Variants in RFC1 observed in about 807,000 individuals in gnomAD.
The protein encoded by RFC1 is A1 140 kDa subunit.
RFC1 carries 37 observed loss-of-function variants against 137.4 expected under a neutral mutation model. The ratio of observed to expected loss-of-function variants is 0.27; its 90% CI spans 0.21 to 0.35. The LOEUF (loss-of-function observed/expected upper bound fraction) is 0.35, where lower values mean the gene tolerates loss of function less well. RFC1 is among the 10% of genes least tolerant of loss of function. The pLI is 1.00. For synonymous variants in RFC1, 429 were observed against 455.7 expected (o/e 0.94, Z 0.75); for missense variants, 1,205 against 1,358.5 (o/e 0.89, Z 1.78).
chr4:39,350,625 C>T (rs759359306), intron 2 of RFC1, among the ~76,000 whole-genome samples: 1 of 152,124 alleles, frequency 6.6e-6, no homozygotes, highest in Non-Finnish European at 1.5e-5. Context: ...CCCAAAATTC[C>T]ATATCCAGCA....
chr4:39,343,167 C>T (rs1740688516), intron 3 of RFC1, among the ~76,000 whole-genome samples: 3 of 152,116 alleles, frequency 2.0e-5, no homozygotes, highest in South Asian at 4.2e-4. Context: ...GGACTACAGG[C>T]GCGTGCCACC....
In RFC1 at chr4:39,288,441, C is replaced by T. The variant is rs1262398702; in HGVS notation, c.*320G>A. 1 of 206,422 alleles carries T rather than the reference C, an allele frequency of 4.8e-6. No individual in the cohort carries two copies. The highest frequency in any genetic ancestry group is 1.1e-4 in the East Asian group (1 of 9,010). 12.8% of individuals were successfully genotyped at this position (206,422 alleles called of 1,614,324 possible). A position where few individuals can be genotyped will look rare whatever the true frequency, so the allele number is the denominator to read the frequency against. On this transcript the variant is annotated 3_prime_UTR_variant, in exon 25 of 25. Transcript: ENST00000349703. ...GCCTTAGTACTACTGCTCCCAGGCT[C>T]ATTATTGTTAACTAAAATCTGACTC...
chr4:39,306,770 ATAGT>A, intron 13 of RFC1, 69 bp from the exon 14 acceptor site: 1 of 859,704 alleles, frequency 1.2e-6, no homozygotes, highest in Non-Finnish European at 2.0e-6. Context: ...CATGGCAGAA[ATAGT>A]TATGCCTAAA....
rs1368858733 is a variant in RFC1 at position 39,300,309 on chromosome 4, G to A, written c.2641C>T (p.Pro881Ser). The A allele has an allele frequency of 6.2e-7, 1 of 1,613,950 alleles. No individual in the cohort carries two copies. The highest frequency in any genetic ancestry group is 8.5e-7 in the Non-Finnish European group (1 of 1,179,952). The change falls in exon 20 of 25, where the codon CCC becomes TCC. Residue 881 changes from proline to serine, a missense_variant. Transcript: ENST00000349703. Reference sequence around the variant, plus strand: ...ATGTAATTTTCCTGGACGAAGAGGGGTGCTATTGAATAATCATGAAAAAAG... The same window carrying A: ...ATGTAATTTTCCTGGACGAAGAGGGATGCTATTGAATAATCATGAAAAAAG... ...DLFFHDYSIA[P>S]LFVQENYIHV... is the part of the protein sequence containing the mutation.
chr4:39,364,100 A>AAG (rs1553928267), intron 1 of RFC1, among the ~76,000 whole-genome samples: 2 of 135,174 alleles, frequency 1.5e-5, no homozygotes, highest in African/African-American at 5.5e-5. Context: ...AAAAAAAAAA[A>AAG]AAGAAGAAGA....
intron 1 of RFC1, among the ~76,000 whole-genome samples, chr4:39,364,265 GGA>G (rs1491328303): frequency 9.6e-5 from 3 of 31,280 alleles, no homozygotes; most frequent in Non-Finnish European, 8.3e-4. Flanking sequence ...ACAGTCTGAG[GGA>G]AAAAAAAAAA....
chr4:39,335,853 C>G (rs1007531894), intron 4 of RFC1, among the ~76,000 whole-genome samples: 6 of 152,150 alleles, frequency 3.9e-5, no homozygotes, highest in Non-Finnish European at 8.8e-5. Flanking sequence ...AAGTATAAGT[C>G]ATTTTGTATA....
intron 10 of RFC1, 83 bp from the exon 11 acceptor site, chr4:39,313,014 T>A (rs1578127164): frequency 8.6e-7 from 1 of 1,161,604 alleles, no homozygotes; most frequent in South Asian, 1.6e-5. Context: ...TGCAGGAAGT[T>A]GATTTTTCTC....
intron 4 of RFC1, among the ~76,000 whole-genome samples, chr4:39,341,094 C>A (rs1740583755): frequency 6.6e-6 from 1 of 152,194 alleles, no homozygotes. Context: ...GAAAGAAAAT[C>A]TGTGATCAGA....
chr4:39,301,066 C>A (rs1166751678), intron 19 of RFC1, among the ~76,000 whole-genome samples: 1 of 150,226 alleles, frequency 6.7e-6, no homozygotes, highest in East Asian at 1.9e-4. Context: ...GTACTCCAGC[C>A]TGGGTGACAA....
At chr4:39,317,446 T>G (rs1263797859) in intron 9 of RFC1, among the ~76,000 whole-genome samples, 1 of 152,186 alleles carries the variant, frequency 6.6e-6, no homozygotes, top group African/African-American at 2.4e-5. Flanking sequence ...TCCTATGACC[T>G]TCCATGCCCC....
Position 39,345,444 on chromosome 4 carries a change from T to G in RFC1, c.165A>C (p.Lys55Asn), listed in dbSNP as rs1209600239. ...TCTTTTTCTTGCTTGGTTGCTTTTGTTTGAAGTCATCCTCTTTACGGGAGC... is the reference window on the plus strand; with the variant it reads ...TCTTTTTCTTGCTTGGTTGCTTTTGGTTGAAGTCATCCTCTTTACGGGAGC... ...VNSSRKEDDF[K>N]QKQPSKKKRI... The change falls in exon 3 of 25, where the codon AAA becomes AAC. Residue 55 changes from lysine (K) to asparagine (N), a missense_variant. Coordinates refer to ENST00000349703, the MANE Select transcript of RFC1 (RefSeq NM_002913.5). 1 of 1,613,942 alleles carries G rather than the reference T, an allele frequency of 6.2e-7. No individual in the cohort carries two copies. The highest frequency in any genetic ancestry group is 8.5e-7 in the Non-Finnish European group (1 of 1,179,888).
chr4:39,355,098 T>TACACGC (rs1741402303), intron 1 of RFC1, among the ~76,000 whole-genome samples: 1 of 88,958 alleles, frequency 1.1e-5, no homozygotes, highest in East Asian at 2.7e-4. Flanking sequence ...AAAAAAAAAA[T>TACACGC]ACACACACAC....
chr4:39,318,190 T>C (rs993358995), intron 9 of RFC1: 5 of 151,910 alleles, frequency 3.3e-5, no homozygotes, highest in African/African-American at 7.3e-5. Context: ...ACCAATAAAA[T>C]AGTTCAGCTG....
chr4:39,328,002 G>A (rs556606783), intron 4 of RFC1, among the ~76,000 whole-genome samples: 1 of 152,170 alleles, frequency 6.6e-6, no homozygotes, highest in African/African-American at 2.4e-5. Context: ...CAGGCATGGT[G>A]GTACACACCT....
intron 4 of RFC1, among the ~76,000 whole-genome samples, chr4:39,329,899 G>A (rs2109695673): frequency 6.6e-6 from 1 of 152,224 alleles, no homozygotes; most frequent in South Asian, 2.1e-4. Flanking sequence ...GCTGGGCGTG[G>A]TGGAGTATGC....
At chr4:39,345,526 C>CT (rs760892775) in intron 2 of RFC1, 50 bp from the exon 3 acceptor site, 106,145 of 1,079,480 alleles carry the variant, frequency 0.098, 1 homozygote, top group South Asian at 0.12. Context: ...ATATAACTAT[C>CT]TTTTTTTTTT....
chr4:39,294,873 G>A (rs750218173), intron 22 of RFC1, among the ~76,000 whole-genome samples: 4 of 151,948 alleles, frequency 2.6e-5, no homozygotes, highest in South Asian at 2.1e-4. Flanking sequence ...ACACGGTGGC[G>A]TGCGCCTATA....
chr4:39,300,247 T>A lies in RFC1; in HGVS notation c.2690+13A>T. 1 of 1,614,072 alleles carries A rather than the reference T, an allele frequency of 6.2e-7. No homozygotes were observed. The highest frequency in any genetic ancestry group is 1.1e-5 in the South Asian group (1 of 91,074). On this transcript the variant is annotated intron_variant, in intron 20 of 24. Transcript: ENST00000349703. Reference sequence around the variant, plus strand: ...GATACTAAGCACACCTCTCACCAGCTCTGGACACTCACCCTGCTGCTACAG... The same window carrying A: ...GATACTAAGCACACCTCTCACCAGCACTGGACACTCACCCTGCTGCTACAG...
Sources: gnomAD v4.1 joint callset for allele counts (sites outside exome capture counted in the v4.1 genomes callset) on GRCh38, gnomAD v4.1.1 for gene constraint, MANE v1.5 for transcripts, NCBI Gene and HGNC (gene_info 2026-07-23, HGNC 2026-07-21) for gene names.